The following ECT2L variants were observed in gnomAD, a reference collection of about 807,000 sequenced individuals.
ECT2L encodes epithelial cell transforming 2 like.
A neutral mutation model predicts 122.8 loss-of-function variants in ECT2L; 126 were observed. The ratio of observed to expected loss-of-function variants is 1.03; its 90% CI spans 0.89 to 1.19. The LOEUF (loss-of-function observed/expected upper bound fraction) is 1.19, where lower values mean the gene tolerates loss of function less well. Ranked by LOEUF, ECT2L falls within the 50% of genes most tolerant of loss-of-function variation. ECT2L has a pLI of 0.00. For missense variants in ECT2L, 1,012 were observed against 1,064.1 expected (o/e 0.95, Z 0.68); for synonymous variants, 385 against 381.8 (o/e 1.01, Z -0.10).
chr6:138,800,414 T>C (rs1775502139), intron 1 of ECT2L, among the ~76,000 whole-genome samples: 1 of 152,208 alleles, frequency 6.6e-6, no homozygotes, highest in South Asian at 2.1e-4. Flanking sequence ...TGAGCCTCTC[T>C]TGGTATATAG....
intron 4 of ECT2L, chr6:138,822,710 A>T (rs1333516055): frequency 2.6e-6 from 4 of 1,550,464 alleles, no homozygotes; most frequent in Non-Finnish European, 3.5e-6. Context: ...GACGCAGAAG[A>T]CGGGTGATTT....
At chr6:138,814,462 A>T (rs768250792) in intron 3 of ECT2L, 29 bp from the exon 4 acceptor site, 2 of 1,431,428 alleles carry the variant, frequency 1.4e-6, no homozygotes, top group African/African-American at 1.4e-5. Flanking sequence ...CTGTACAGCA[A>T]ATGTCACTTC....
intron 10 of ECT2L, among the ~76,000 whole-genome samples, chr6:138,860,801 C>A (rs1777802790): frequency 6.8e-6 from 1 of 147,862 alleles, no homozygotes; most frequent in Non-Finnish European, 1.5e-5. Context: ...TGGTGGTTTG[C>A]TGCACTTATC....
rs1470691718 is a variant in ECT2L at position 138,838,476 on chromosome 6, G to A, written c.304G>A (p.Ala102Thr). Residue 102 changes from alanine to threonine, a missense_variant, in exon 5 of 22, where the codon GCC becomes ACC. Physicochemically the swap from Ala to Thr is moderately conservative, Grantham distance 58. Coordinates refer to ENST00000541398, the MANE Select transcript of ECT2L (RefSeq NM_001077706.3). The stretch of plus-strand genomic sequence containing the variant: ...GAGTCCGAAAGATTTGTGTGCCGCT[G>A]CCCAAGTCAGCTGGCCCTGGAAGTT... Reference protein sequence around the residue: ...FLSPKDLCAAAQVSWPWKFLT... With the variant: ...FLSPKDLCAATQVSWPWKFLT... 2 of 1,612,348 alleles carry A rather than the reference G, an allele frequency of 1.2e-6. No individual in the cohort carries two copies. Among genetic ancestry groups the A allele is most frequent in the Admixed American group, 1.7e-5 (1 of 59,546 alleles).
chr6:138,818,037 G>A (rs1157702544), intron 4 of ECT2L, among the ~76,000 whole-genome samples: 1 of 152,168 alleles, frequency 6.6e-6, no homozygotes, highest in African/African-American at 2.4e-5. Context: ...CCACACTGGT[G>A]GAACCGGTTT....
intron 8 of ECT2L, among the ~76,000 whole-genome samples, chr6:138,847,103 AC>A (rs1777248829): frequency 6.6e-6 from 1 of 151,088 alleles, no homozygotes; most frequent in Non-Finnish European, 1.5e-5. Flanking sequence ...CCCCATCTCT[AC>A]TAAAAGTAGA....
chr6:138,844,588 A>C lies in ECT2L; in HGVS notation c.764+8A>C, dbSNP rs779612343. 9 of 1,613,584 alleles carry C rather than the reference A, an allele frequency of 5.6e-6. No individual in the cohort carries two copies. The highest frequency in any genetic ancestry group is 7.6e-6 in the Non-Finnish European group (9 of 1,179,628). ...AGAAACCTTGCCCAAGCGGTAAGCA[A>C]AATTCCATCTACTGAAGGCTCAACA... On this transcript the variant is annotated splice_region_variant and intron_variant, in intron 7 of 21. Coordinates refer to ENST00000541398, the MANE Select transcript of ECT2L (RefSeq NM_001077706.3).
intron 1 of ECT2L, among the ~76,000 whole-genome samples, chr6:138,796,916 G>A (rs1775363694): frequency 6.6e-6 from 1 of 152,184 alleles, no homozygotes; most frequent in Non-Finnish European, 1.5e-5. Flanking sequence ...CAAAAATCAT[G>A]CTCTACAAAC....
Position 138,843,028 on chromosome 6 carries a change from A to G in ECT2L, c.392A>G (p.Tyr131Cys), listed in dbSNP as rs1197659728. 2 of 1,609,328 alleles carry G rather than the reference A, an allele frequency of 1.2e-6. No homozygotes were observed. Among genetic ancestry groups the G allele is most frequent in the Admixed American group, 1.7e-5 (1 of 59,704 alleles). ...GTTAAGTTCGGATGGTTTCTGCCCT[A>G]TACTCCAACAGATAATGAGTATGGT... Reference protein sequence around the residue: ...KCVKFGWFLPYTPTDNEYGAW... With the variant: ...KCVKFGWFLPCTPTDNEYGAW... Residue 131 changes from tyrosine (Y) to cysteine (C), a missense_variant, in exon 6 of 22, where the codon TAT (tyrosine) becomes TGT (cysteine). Transcript: ENST00000541398.
At chr6:138,902,448 T>A (rs934723221) in intron 21 of ECT2L, 52 bp from the exon 22 acceptor site, 10 of 1,542,414 alleles carry the variant, frequency 6.5e-6, no homozygotes, top group Non-Finnish European at 8.8e-6. Flanking sequence ...TTTTTTCTCA[T>A]TTTGATTGTT....
intron 1 of ECT2L, among the ~76,000 whole-genome samples, chr6:138,801,806 T>A (rs1775552245): frequency 6.6e-6 from 1 of 152,024 alleles, no homozygotes; most frequent in Non-Finnish European, 1.5e-5. Context: ...AGAAAAATAC[T>A]GAGTAAATAT....
intron 1 of ECT2L, among the ~76,000 whole-genome samples, chr6:138,809,451 G>C (rs1775818555): frequency 6.6e-6 from 1 of 152,126 alleles, no homozygotes; most frequent in African/African-American, 2.4e-5. Context: ...GGGCAACAGA[G>C]CAAGACCCTG....
At chr6:138,856,456 G>A (rs868030933) in intron 10 of ECT2L, among the ~76,000 whole-genome samples, 7 of 151,948 alleles carry the variant, frequency 4.6e-5, no homozygotes, top group Non-Finnish European at 8.8e-5. Context: ...CTCATGATCC[G>A]CCCACCTCAG....
chr6:138,886,405 G>T (rs556963923), intron 18 of ECT2L, among the ~76,000 whole-genome samples: 12 of 151,944 alleles, frequency 7.9e-5, no homozygotes, highest in African/African-American at 2.9e-4. Context: ...ACAGAAAATT[G>T]AAATTTTTTT....
At position 138,814,522 on chromosome 6, in the gene ECT2L, ATTGGT is replaced by A. The variant is rs868327314; in HGVS notation, c.102_106del (p.Trp34Ter). 4.3e-6 allele frequency: 7 copies of A among 1,611,536 alleles called. No homozygotes were observed. Among genetic ancestry groups the A allele is most frequent in the African/African-American group, 1.3e-5 (1 of 74,866 alleles). On this transcript the variant is annotated frameshift_variant, in exon 4 of 22. Coordinates refer to ENST00000541398, the MANE Select transcript of ECT2L (RefSeq NM_001077706.3). LOFTEE classifies it high-confidence loss of function. ...CAGGAAAGAGTGGCTCTTATAAGTC[ATTGGT>A]TTGACCTCTGGACTAACAAGCAACG...
In ECT2L at chr6:138,814,832, T is replaced by C. The variant is rs546034885; in HGVS notation, c.179+229T>C. Among the ~76,000 whole-genome samples the C allele has an allele frequency of 3.3e-5, 5 of 152,328 alleles. No homozygotes were observed. In the East Asian group the frequency reaches 9.6e-4, roughly 29 times the overall value. On this transcript the variant is annotated intron_variant, in intron 4 of 21. Coordinates refer to ENST00000541398, the MANE Select transcript of ECT2L (RefSeq NM_001077706.3). ...CATACTATGGTGGGACTGTTTCATG[T>C]TGGCAAAAACACAATGGCTTCAGTC...
chr6:138,874,946 G>A (rs1482298630), intron 13 of ECT2L, among the ~76,000 whole-genome samples: 1 of 152,172 alleles, frequency 6.6e-6, no homozygotes, highest in African/African-American at 2.4e-5. Context: ...AAATTAGCCA[G>A]GCATGGTGGC....
intron 5 of ECT2L, among the ~76,000 whole-genome samples, chr6:138,841,391 CG>C (rs1179229874): frequency 6.6e-6 from 1 of 152,162 alleles, no homozygotes; most frequent in African/African-American, 2.4e-5. Context: ...GCTTCTGGCA[CG>C]TCTAGTGCTA....
intron 1 of ECT2L, among the ~76,000 whole-genome samples, chr6:138,804,734 G>T (rs1436046607): frequency 6.6e-6 from 1 of 151,962 alleles, no homozygotes; most frequent in Non-Finnish European, 1.5e-5. Context: ...ATTTATTTAG[G>T]ACTTTAAAAG....
Sources: allele counts gnomAD v4.1 joint callset (sites outside exome capture counted in the v4.1 genomes callset), GRCh38; gene constraint gnomAD v4.1.1; transcripts MANE v1.5; gene names NCBI Gene and HGNC (gene_info 2026-07-23, HGNC 2026-07-21).